Variants in CNTNAP2 observed in about 807,000 individuals in gnomAD.
CNTNAP2 encodes contactin-associated protein-like 2.
CNTNAP2 carries 98 observed loss-of-function variants against 155.2 expected under a neutral mutation model. The observed-to-expected ratio is 0.63, with a 90% CI of 0.54 to 0.75. CNTNAP2 has a LOEUF of 0.75. Among genes scored for constraint, CNTNAP2 ranks in the 30% least tolerant of loss-of-function variants. The pLI is 0.00. For missense variants in CNTNAP2, 1,727 were observed against 1,688.1 expected (o/e 1.02, Z -0.40); for synonymous variants, 651 against 631.2 (o/e 1.03, Z -0.47).
intron 4 of CNTNAP2, among the ~76,000 whole-genome samples, chr7:147,104,911 T>TATATAC (rs1309340173): frequency 1.8e-5 from 2 of 112,128 alleles, no homozygotes; most frequent in African/African-American, 6.6e-5. Context: ...TATATATATA[T>TATATAC]ATATATGAAT....
intron 1 of CNTNAP2, among the ~76,000 whole-genome samples, chr7:146,166,070 C>A (rs189939909): frequency 6.6e-6 from 1 of 152,046 alleles, no homozygotes; most frequent in Non-Finnish European, 1.5e-5. Context: ...CACATTCCCC[C>A]ACCCCTGTTT....
intron 8 of CNTNAP2, chr7:147,146,825 G>C (rs1046558570): frequency 6.6e-6 from 1 of 152,106 alleles, no homozygotes; most frequent in African/African-American, 2.4e-5. Context: ...AAGAGTTTTT[G>C]CTTAAAGTGC....
At chr7:146,241,326 C>A (rs74422029) in intron 1 of CNTNAP2, among the ~76,000 whole-genome samples, 166 of 152,250 alleles carry the variant, frequency 1.1e-3, no homozygotes, top group Non-Finnish European at 2.2e-3. Context: ...TCATACAGAC[C>A]TGTACCCTAG....
At chr7:147,956,804 T>C (rs1801023167) in intron 14 of CNTNAP2, among the ~76,000 whole-genome samples, 1 of 152,130 alleles carries the variant, frequency 6.6e-6, no homozygotes, top group Non-Finnish European at 1.5e-5. Flanking sequence ...TTTCTAGAAA[T>C]GAGTGAGATC....
chr7:146,167,396 T>C (rs944719398), intron 1 of CNTNAP2, among the ~76,000 whole-genome samples: 2 of 152,160 alleles, frequency 1.3e-5, no homozygotes, highest in Non-Finnish European at 2.9e-5. Flanking sequence ...AGCTGAAAGT[T>C]GAAGAGAATA....
intron 13 of CNTNAP2, among the ~76,000 whole-genome samples, chr7:147,729,403 CAT>C (rs1271306440): frequency 1.6e-3 from 141 of 89,166 alleles, no homozygotes; most frequent in African/African-American, 8.2e-3. Flanking sequence ...AATAAGAAAA[CAT>C]GCACACACAC....
chr7:146,635,607 A>C (rs1799583799), intron 1 of CNTNAP2, among the ~76,000 whole-genome samples: 1 of 152,102 alleles, frequency 6.6e-6, no homozygotes, highest in Non-Finnish European at 1.5e-5. Flanking sequence ...TATTACAAGG[A>C]CCTCTTGGTT....
intron 1 of CNTNAP2, among the ~76,000 whole-genome samples, chr7:146,397,481 A>G (rs1022720416): frequency 6.6e-6 from 1 of 152,224 alleles, no homozygotes; most frequent in Non-Finnish European, 1.5e-5. Flanking sequence ...CAATTAACCT[A>G]ACAGGGCCAC....
chr7:148,071,098 C>T (rs2116529682), intron 15 of CNTNAP2, among the ~76,000 whole-genome samples: 1 of 152,114 alleles, frequency 6.6e-6, no homozygotes, highest in East Asian at 1.9e-4. Context: ...AAATGTAGAA[C>T]ATCTTTTTGA....
intron 14 of CNTNAP2, among the ~76,000 whole-genome samples, chr7:147,942,012 T>C (rs1176058418): frequency 6.6e-6 from 1 of 152,242 alleles, no homozygotes; most frequent in Non-Finnish European, 1.5e-5. Flanking sequence ...TAGTACCTCA[T>C]TATGACTTAC....
intron 1 of CNTNAP2, among the ~76,000 whole-genome samples, chr7:146,610,370 G>A (rs189423647): frequency 2.0e-5 from 3 of 152,222 alleles, no homozygotes; most frequent in Non-Finnish European, 2.9e-5. Context: ...GACAGGTAAG[G>A]AGAACCTGCA....
At chr7:146,715,011 G>A (rs909481946) in intron 1 of CNTNAP2, among the ~76,000 whole-genome samples, 1 of 152,076 alleles carries the variant, frequency 6.6e-6, no homozygotes, top group Non-Finnish European at 1.5e-5. Flanking sequence ...AAGAGATAAA[G>A]CAAGTACAAG....
intron 10 of CNTNAP2, among the ~76,000 whole-genome samples, chr7:147,406,140 C>A (rs1243228777): frequency 6.6e-6 from 1 of 152,086 alleles, no homozygotes; most frequent in Non-Finnish European, 1.5e-5. Flanking sequence ...TTCATTATTT[C>A]TTTTTGCTTT....
rs74373751 is a variant in CNTNAP2, at chr7:147,600,866, T to C, written c.1898-38240T>C. On this transcript the variant is annotated intron_variant, in intron 12 of 23. Coordinates refer to ENST00000361727, the MANE Select transcript of CNTNAP2 (RefSeq NM_014141.6). The stretch of plus-strand genomic sequence containing the variant: ...CATTGATTACTGTAATCATTTCCTA[T>C]TTTCTAAAAATTTGATGAGTGTGAT... Among the ~76,000 whole-genome samples, 535 of 152,298 alleles carry C rather than the reference T, an allele frequency of 3.5e-3. 10 individuals carry two copies. Among genetic ancestry groups the C allele is most frequent in the East Asian group, 0.027 (140 of 5,186 alleles).
At chr7:148,071,712 G>A (rs1316249606) in intron 15 of CNTNAP2, among the ~76,000 whole-genome samples, 1 of 152,120 alleles carries the variant, frequency 6.6e-6, no homozygotes, top group Non-Finnish European at 1.5e-5. Flanking sequence ...TATGAATTGA[G>A]GATTTTGATT....
At chr7:146,391,131 T>G (rs1490609737) in intron 1 of CNTNAP2, among the ~76,000 whole-genome samples, 2 of 147,860 alleles carry the variant, frequency 1.4e-5, no homozygotes, top group East Asian at 1.9e-4. Context: ...TATATATTTA[T>G]TATATATTTT....
At chr7:148,375,776 C>CATCGCCCTCCCCAAAAA (rs1213511060) in intron 21 of CNTNAP2, among the ~76,000 whole-genome samples, 12 of 84,644 alleles carry the variant, frequency 1.4e-4, no homozygotes, top group East Asian at 7.3e-4. Context: ...AGGTGGATCA[C>CATCGCCCTCCCCAAAAA]GAGGTCAGGA....
chr7:146,694,339 C>T (rs1319924328), intron 1 of CNTNAP2, among the ~76,000 whole-genome samples: 1 of 152,176 alleles, frequency 6.6e-6, no homozygotes, highest in East Asian at 1.9e-4. Flanking sequence ...TCCACTTGTT[C>T]CAGCATCATT....
intron 9 of CNTNAP2, among the ~76,000 whole-genome samples, chr7:147,330,404 T>A (rs1394135810): frequency 6.6e-6 from 1 of 152,178 alleles, no homozygotes; most frequent in Non-Finnish European, 1.5e-5. Flanking sequence ...TAAAGTACCA[T>A]CTTGAGTTCC....
Sources: gnomAD v4.1 joint callset for allele counts (sites outside exome capture counted in the v4.1 genomes callset) on GRCh38, gnomAD v4.1.1 for gene constraint, MANE v1.5 for transcripts, NCBI Gene and HGNC (gene_info 2026-07-23, HGNC 2026-07-21) for gene names.